DLGAP1: variants seen among roughly 807,000 people sequenced by gnomAD.
DLGAP1 encodes disks large-associated protein 1.
In DLGAP1, 11 loss-of-function variants were observed where a neutral mutation model predicts 90.8. The ratio of observed to expected loss-of-function variants is 0.12; its 90% CI spans 0.08 to 0.20. DLGAP1 has a LOEUF of 0.20. DLGAP1 is among the 10% of genes least tolerant of loss of function. The pLI, the probability that DLGAP1 is intolerant of heterozygous loss-of-function variation, is 1.00. For missense variants in DLGAP1, 1,050 were observed against 1,333.8 expected (o/e 0.79, Z 3.31); for synonymous variants, 558 against 540.7 (o/e 1.03, Z -0.44).
intron 2 of DLGAP1, among the ~76,000 whole-genome samples, chr18:4,070,458 CG>C (rs2075430680): frequency 6.6e-6 from 1 of 151,958 alleles, no homozygotes; most frequent in Non-Finnish European, 1.5e-5. Flanking sequence ...AAGAGAATAT[CG>C]GTTTTGGAAA....
chr18:4,269,348 A>ATTTT lies in DLGAP1; in HGVS notation c.-266-118062_-266-118061insAAAA, dbSNP rs1358148826. ...TTTATATATACATATATATATATAT[A>ATTTT]TATATATTTTTTTTTTTCTTTTTGA... On this transcript the variant is annotated intron_variant, in intron 1 of 12. Coordinates refer to ENST00000315677, the MANE Select transcript of DLGAP1 (RefSeq NM_004746.4). 7.0e-3 allele frequency among the ~76,000 whole-genome samples: 928 copies of ATTTT among 133,382 alleles called. 4 individuals carry two copies. Among genetic ancestry groups the ATTTT allele is most frequent in the Middle Eastern group, 0.015 (4 of 270 alleles). The allele number at this position is 133,382 out of a possible 152,430, so 87.5% of individuals were successfully genotyped here. A position where few individuals can be genotyped will look rare whatever the true frequency, so the allele number is the denominator to read the frequency against.
At chr18:4,324,728 G>A (rs140234525) in intron 1 of DLGAP1, among the ~76,000 whole-genome samples, 3,122 of 45,058 alleles carry the variant, frequency 0.069, 66 homozygotes, top group African/African-American at 0.21. Context: ...ACAAATCAAT[G>A]AATGTGATTA....
intron 1 of DLGAP1, among the ~76,000 whole-genome samples, chr18:4,224,144 G>A (rs1033425695): frequency 1.2e-4 from 18 of 152,034 alleles, no homozygotes; most frequent in Admixed American, 9.2e-4. Flanking sequence ...GATTCATCAC[G>A]GGCTGACTAA....
intron 5 of DLGAP1, among the ~76,000 whole-genome samples, chr18:3,783,333 C>A (rs1279842266): frequency 6.6e-6 from 1 of 152,146 alleles, no homozygotes; most frequent in Non-Finnish European, 1.5e-5. Context: ...CATATGCCCA[C>A]ATAAAAACCT....
At chr18:4,452,901 A>T (rs1182505925) in intron 1 of DLGAP1, among the ~76,000 whole-genome samples, 2 of 152,228 alleles carry the variant, frequency 1.3e-5, no homozygotes. Flanking sequence ...AATGTTAACC[A>T]GTTCCTTTTG....
chr18:3,619,150 T>C (rs888347126), intron 7 of DLGAP1, among the ~76,000 whole-genome samples: 1 of 152,136 alleles, frequency 6.6e-6, no homozygotes, highest in Non-Finnish European at 1.5e-5. Flanking sequence ...CTTCCAGAAC[T>C]GTGAGGAAAT....
At chr18:3,635,356 T>C (rs2058677347) in intron 7 of DLGAP1, among the ~76,000 whole-genome samples, 1 of 151,834 alleles carries the variant, frequency 6.6e-6, no homozygotes, top group African/African-American at 2.4e-5. Flanking sequence ...CAGGATGGTC[T>C]CGATCTCCTG....
chr18:3,705,125 T>C (rs1009461368), intron 7 of DLGAP1, among the ~76,000 whole-genome samples: 1 of 152,208 alleles, frequency 6.6e-6, no homozygotes, highest in African/African-American at 2.4e-5. Flanking sequence ...CAGTTTTTTA[T>C]TAGAAGAGAA....
intron 7 of DLGAP1, among the ~76,000 whole-genome samples, chr18:3,664,794 G>A (rs1038491202): frequency 6.6e-6 from 1 of 152,188 alleles, no homozygotes; most frequent in Non-Finnish European, 1.5e-5. Flanking sequence ...ACCATGTCTG[G>A]ACATAGTAAG....
chr18:3,910,494 T>C (rs1285404189), intron 3 of DLGAP1, among the ~76,000 whole-genome samples: 1 of 152,170 alleles, frequency 6.6e-6, no homozygotes, highest in Non-Finnish European at 1.5e-5. Flanking sequence ...CTGCTTCCTA[T>C]AGGCCAAATT....
intron 8 of DLGAP1, among the ~76,000 whole-genome samples, chr18:3,573,521 G>C (rs1273141912): frequency 6.6e-6 from 1 of 151,838 alleles, no homozygotes; most frequent in Non-Finnish European, 1.5e-5. Context: ...AAAGAGTCTT[G>C]ATCTTTTTTG....
chr18:4,139,900 A>C (rs1002359196), intron 2 of DLGAP1, among the ~76,000 whole-genome samples: 31 of 152,082 alleles, frequency 2.0e-4, no homozygotes, highest in African/African-American at 7.2e-4. Context: ...TTGTCTTGAA[A>C]GCTATTTTGA....
At chr18:3,962,056 A>G (rs1468356170) in intron 3 of DLGAP1, among the ~76,000 whole-genome samples, 1 of 152,194 alleles carries the variant, frequency 6.6e-6, no homozygotes, top group Non-Finnish European at 1.5e-5. Context: ...ACAGTAGAAG[A>G]TATTACCTTA....
intron 2 of DLGAP1, among the ~76,000 whole-genome samples, chr18:4,109,139 A>T (rs2075923814): frequency 6.8e-6 from 1 of 147,912 alleles, no homozygotes; most frequent in South Asian, 2.2e-4. Flanking sequence ...CCAGCTTGTA[A>T]CTGATATCTG....
At position 3,596,372 on chromosome 18, in the gene DLGAP1, C is replaced by G. The variant is rs542435312; in HGVS notation, c.1592-14124G>C. On this transcript the variant is annotated intron_variant, in intron 7 of 12. Coordinates refer to ENST00000315677, the MANE Select transcript of DLGAP1 (RefSeq NM_004746.4). Reference sequence around the variant, plus strand: ...ACGGGGTTTCACCATGTGGGCCAGGCTGATCTTGAACTCCTGACCTTAGAT... The same window carrying G: ...ACGGGGTTTCACCATGTGGGCCAGGGTGATCTTGAACTCCTGACCTTAGAT... Among the ~76,000 whole-genome samples the G allele has an allele frequency of 2.0e-5, 3 of 152,192 alleles. No homozygotes were observed. The South Asian group carries it at 6.2e-4, about 32-fold the overall frequency.
intron 7 of DLGAP1, among the ~76,000 whole-genome samples, chr18:3,644,176 C>G (rs960512703): frequency 3.3e-5 from 5 of 152,136 alleles, no homozygotes; most frequent in Non-Finnish European, 7.3e-5. Flanking sequence ...AAGCCTGGGT[C>G]TCTGAGAGAC....
chr18:4,215,486 C>T (rs573614299), intron 1 of DLGAP1, among the ~76,000 whole-genome samples: 20 of 152,192 alleles, frequency 1.3e-4, no homozygotes, highest in African/African-American at 4.6e-4. Flanking sequence ...TTTCTGTCAG[C>T]CTTGATGCTG....
At chr18:4,017,884 A>G (rs1184717703) in intron 2 of DLGAP1, among the ~76,000 whole-genome samples, 2 of 152,016 alleles carry the variant, frequency 1.3e-5, no homozygotes, top group African/African-American at 4.8e-5. Flanking sequence ...AAGTTGGTCA[A>G]TGGAGAAGGC....
At chr18:4,435,144 C>T (rs2083372815) in intron 1 of DLGAP1, among the ~76,000 whole-genome samples, 2 of 152,048 alleles carry the variant, frequency 1.3e-5, no homozygotes, top group African/African-American at 4.8e-5. Flanking sequence ...TAAAATTGAA[C>T]ATGGAATGAG....
Sources: allele counts gnomAD v4.1 joint callset (sites outside exome capture counted in the v4.1 genomes callset), GRCh38; gene constraint gnomAD v4.1.1; transcripts MANE v1.5; gene names NCBI Gene and HGNC (gene_info 2026-07-23, HGNC 2026-07-21).